The following XPO5 variants were observed in gnomAD, a reference collection of about 807,000 sequenced individuals.
XPO5 encodes exportin 5.
Under a neutral mutation model 160.6 loss-of-function variants are expected in XPO5, and 46 were observed. The observed-to-expected ratio is 0.29, with a 90% confidence interval of 0.23 to 0.37. XPO5 has a LOEUF of 0.37. Ranked by LOEUF, XPO5 falls within the 10% of genes least tolerant of loss-of-function variation. The pLI is 1.00. For synonymous variants in XPO5, 537 were observed against 519.3 expected (o/e 1.03, Z -0.46); for missense variants, 1,090 against 1,463.9 (o/e 0.74, Z 4.17).
chr6:43,528,827 C>T lies in XPO5; in HGVS notation c.2775+1G>A. ...CTTCCTGTTCCTGACTTATCTCTTA[C>T]CATATGGAGGTAGGTGAAAAGAGGT... is the stretch of plus-strand genomic sequence containing the variant. On this transcript the variant is annotated splice_donor_variant, in intron 24 of 31. Coordinates refer to ENST00000265351, the MANE Select transcript of XPO5 (RefSeq NM_020750.3). LOFTEE classifies it high-confidence loss of function. The T allele has an allele frequency of 6.2e-7, 1 of 1,613,432 alleles. No homozygotes were observed. The highest frequency in any genetic ancestry group is 8.5e-7 in the Non-Finnish European group (1 of 1,179,622).
In XPO5 at chr6:43,554,267, G is replaced by A. The variant is rs545333944; in HGVS notation, c.1442-764C>T. Among the ~76,000 whole-genome samples, 4 of 151,740 alleles carry A rather than the reference G, an allele frequency of 2.6e-5. No homozygotes were observed. The South Asian group carries it at 8.3e-4, about 32-fold the overall frequency. ...ATTACAGCCACCTGCCACCATGCCC[G>A]GCTAATTTTTGTATTTTTTTTTTTT... is the stretch of plus-strand genomic sequence containing the variant. On this transcript the variant is annotated intron_variant, in intron 13 of 31. Coordinates refer to ENST00000265351, the MANE Select transcript of XPO5 (RefSeq NM_020750.3).
chr6:43,525,795 C>A, intron 28 of XPO5, 44 bp downstream of exon 28: 1 of 1,595,576 alleles, frequency 6.3e-7, no homozygotes, highest in Non-Finnish European at 8.6e-7. Context: ...GGTGACTCCC[C>A]ACCTGGGCAA....
At position 43,560,164 on chromosome 6, in the gene XPO5, T is replaced by A; in HGVS notation, c.1221+14A>T. 1 of 1,611,184 alleles carries A rather than the reference T, an allele frequency of 6.2e-7. No homozygotes were observed. Among genetic ancestry groups the A allele is most frequent in the Non-Finnish European group, 8.5e-7 (1 of 1,178,340 alleles). On this transcript the variant is annotated intron_variant, in intron 11 of 31. Transcript: ENST00000265351. ...TTCACCTACATTCCACATGTTTAGA[T>A]TCCCATTATATACCTTGACCAAGTT...
Position 43,570,490 on chromosome 6 carries a change from G to A in XPO5, c.621+12C>T, listed in dbSNP as rs776053215. 29 of 1,610,714 alleles carry A rather than the reference G, an allele frequency of 1.8e-5. No individual in the cohort carries two copies. The Admixed American group carries it at 3.2e-4, about 18-fold the overall frequency. On this transcript the variant is annotated intron_variant, in intron 5 of 31. Transcript: ENST00000265351. ...GGAAAATAGAAATGTTATAGGTAGG[G>A]GTATCCCTTACCACTTGCTGATACT... is the stretch of plus-strand genomic sequence containing the variant.
At chr6:43,554,176 G>C (rs569910609) in intron 13 of XPO5, among the ~76,000 whole-genome samples, 1 of 152,196 alleles carries the variant, frequency 6.6e-6, no homozygotes, top group Non-Finnish European at 1.5e-5. Flanking sequence ...GCGAGATCTC[G>C]GCTCACTGCA....
chr6:43,574,505 G>T (rs930482881), intron 1 of XPO5, among the ~76,000 whole-genome samples: 2 of 150,664 alleles, frequency 1.3e-5, no homozygotes, highest in Non-Finnish European at 3.0e-5. Context: ...TATATATTAT[G>T]AATAAAGAAC....
In XPO5 at chr6:43,546,645, A is replaced by G. The variant is rs567618901; in HGVS notation, c.2268T>C (p.Ser756=). 8.1e-6 allele frequency: 13 copies of G among 1,613,962 alleles called. No individual in the cohort carries two copies. In the East Asian group the frequency reaches 2.5e-4, roughly 30 times the overall value. Residue 756 remains serine, a synonymous_variant, in exon 20 of 32, where the codon AGT becomes AGC. Transcript: ENST00000265351. ...AGGFVVGYTS[S]GNPIFRNPCT... is the part of the protein sequence containing the mutation. ...AGGGGTTACGGAAGATTGGATTTCCACTGGATGTATAACCCACCACAAATC... is the reference window on the plus strand; with the variant it reads ...AGGGGTTACGGAAGATTGGATTTCCGCTGGATGTATAACCCACCACAAATC...
intron 21 of XPO5, chr6:43,533,263 C>CAG (rs1210131906): frequency 1.4e-5 from 2 of 145,172 alleles, no homozygotes; most frequent in East Asian, 4.1e-4. Context: ...CACACACACA[C>CAG]GAGGAGGCAG....
At chr6:43,528,123 T>G (rs759768161) in intron 25 of XPO5, 36 bp downstream of exon 25, 2 of 1,571,190 alleles carry the variant, frequency 1.3e-6, no homozygotes, top group South Asian at 2.3e-5. Flanking sequence ...TGGCTGCCAG[T>G]TCATCCACCA....
chr6:43,552,498 AT>A (rs1191244075), intron 14 of XPO5, among the ~76,000 whole-genome samples: 4 of 152,028 alleles, frequency 2.6e-5, no homozygotes, highest in African/African-American at 7.2e-5. Context: ...GATTACAGAC[AT>A]GCACCAGCAT....
chr6:43,546,817 T>C lies in XPO5; in HGVS notation c.2161-65A>G. 1.4e-6 allele frequency: 2 copies of C among 1,428,968 alleles called. 1 individual carries two copies. The highest frequency in any genetic ancestry group is 5.4e-5 in the Admixed American group (2 of 37,260). The allele number at this position is 1,428,968 out of a possible 1,614,324, so 88.5% of individuals were successfully genotyped here. ...AAAAAAAAAAAAGACCAAATACTGT[T>C]AGATATATTCAAGGTTCTGGCAAAA... On this transcript the variant is annotated intron_variant, in intron 19 of 31. Transcript: ENST00000265351.
chr6:43,533,248 A>ACACACACAC (rs2127710475), intron 21 of XPO5: 1 of 139,274 alleles, frequency 7.2e-6, no homozygotes, highest in Non-Finnish European at 1.5e-5. Context: ...ACACACACAC[A>ACACACACAC]CACACACACA....
chr6:43,523,713 A>C lies in XPO5; in HGVS notation c.*155T>G. On this transcript the variant is annotated 3_prime_UTR_variant, in exon 32 of 32. Coordinates refer to ENST00000265351, the MANE Select transcript of XPO5 (RefSeq NM_020750.3). Reference sequence around the variant, plus strand: ...TTAGTATAATTACTTCTGGTCCTGCACAGGGCCTGTTCTCTCCAGCTCCAG... The same window carrying C: ...TTAGTATAATTACTTCTGGTCCTGCCCAGGGCCTGTTCTCTCCAGCTCCAG... 1 of 1,180,686 alleles carries C rather than the reference A, an allele frequency of 8.5e-7. No homozygotes were observed. The highest frequency in any genetic ancestry group is 1.3e-6 in the Non-Finnish European group (1 of 785,114). The allele number at this position is 1,180,686 out of a possible 1,614,324, so 73.1% of individuals were successfully genotyped here. A position where few individuals can be genotyped will look rare whatever the true frequency, so the allele number is the denominator to read the frequency against.
At chr6:43,558,163 A>G (rs1762211053) in intron 12 of XPO5, among the ~76,000 whole-genome samples, 1 of 152,176 alleles carries the variant, frequency 6.6e-6, no homozygotes, top group Non-Finnish European at 1.5e-5. Context: ...ATATTAGAAT[A>G]AAATGGATTT....
chr6:43,528,965 C>T (rs1561864767), intron 23 of XPO5, 40 bp from the exon 24 acceptor site: 8 of 1,567,190 alleles, frequency 5.1e-6, no homozygotes, highest in Non-Finnish European at 6.9e-6. Context: ...CATAGGCACA[C>T]ATCTCTCACC....
Position 43,567,303 on chromosome 6 carries a change from A to G in XPO5, c.700T>C (p.Tyr234His), listed in dbSNP as rs1225678178. 1 of 1,613,588 alleles carries G rather than the reference A, an allele frequency of 6.2e-7. No homozygotes were observed. Among genetic ancestry groups the G allele is most frequent in the African/African-American group, 1.3e-5 (1 of 74,924 alleles). Reference protein sequence around the residue: ...GVAALNTLAGYIDWVSMSHIT... With the variant: ...GVAALNTLAGHIDWVSMSHIT... Reference sequence around the variant, plus strand: ...TGACTCATAGACACCCAGTCAATATAGCCTGCTAGAGTATTCAGTGCTGCA... The same window carrying G: ...TGACTCATAGACACCCAGTCAATATGGCCTGCTAGAGTATTCAGTGCTGCA... Residue 234 changes from tyrosine (Y) to histidine (H), a missense_variant, in exon 7 of 32, where the codon TAT becomes CAT. Tyr to His is a moderately conservative substitution (Grantham distance 83, BLOSUM62 2). Around this residue, in one of 3 missense-constraint regions of XPO5, gnomAD observed 110 missense variants for 97.9 expected, o/e 1.12. Coordinates refer to ENST00000265351, the MANE Select transcript of XPO5 (RefSeq NM_020750.3).
chr6:43,574,125 C>T (rs1349573656), intron 1 of XPO5, among the ~76,000 whole-genome samples: 2 of 151,778 alleles, frequency 1.3e-5, no homozygotes, highest in African/African-American at 2.4e-5. Context: ...CCACTGTGCC[C>T]GGCCCACTAA....
At position 43,553,403 on chromosome 6, in the gene XPO5, G is replaced by T. The variant is rs1435142612; in HGVS notation, c.1542C>A (p.Ile514=). The T allele has an allele frequency of 6.2e-7, 1 of 1,607,832 alleles. No homozygotes were observed. The highest frequency in any genetic ancestry group is 2.2e-5 in the East Asian group (1 of 44,776). Reference sequence around the variant, plus strand: ...TATTTAGTGTTCGAAACATCTGGGTGATAACACTTTCCAAAAAAAGAGTCA... The same window carrying T: ...TATTTAGTGTTCGAAACATCTGGGTTATAACACTTTCCAAAAAAAGAGTCA... ...EAMTLFLESV[I]TQMFRTLNRE... Residue 514 remains isoleucine, a synonymous_variant, in exon 14 of 32, where the codon ATC becomes ATA. Transcript: ENST00000265351.
chr6:43,555,557 A>C (rs189905966), intron 13 of XPO5: 4 of 242,038 alleles, frequency 1.7e-5, no homozygotes, highest in Non-Finnish European at 2.4e-5. Flanking sequence ...AAGCAAATAA[A>C]ATCAACAATA....
Sources: allele counts gnomAD v4.1 joint callset (sites outside exome capture counted in the v4.1 genomes callset), GRCh38; gene constraint gnomAD v4.1.1; regional missense constraint gnomAD v4.1.1; transcripts MANE v1.5; gene names NCBI Gene and HGNC (gene_info 2026-07-23, HGNC 2026-07-21).